Variants in SMARCA4 observed in about 807,000 individuals in gnomAD.
SMARCA4 encodes SWI/SNF related BAF chromatin remodeling complex subunit ATPase 4, also known as SWI/SNF-related matrix-associated actin-dependent regulator of chromatin subfamily A member 4.
Under a neutral mutation model 193.9 loss-of-function variants are expected in SMARCA4, and 31 were observed. That is an observed-to-expected ratio of 0.16 (90% CI 0.12 to 0.22). The LOEUF is 0.22. Ranked by LOEUF, SMARCA4 falls within the 10% of genes least tolerant of loss-of-function variation. The pLI, the probability that SMARCA4 is intolerant of heterozygous loss-of-function variation, is 1.00. For missense variants in SMARCA4, 1,148 were observed against 2,296.0 expected, an observed-to-expected ratio of 0.50 and a Z score of 10.22; for synonymous variants, 942 against 933.1, an observed-to-expected ratio of 1.01 and a Z score of -0.17.
chr19:11,058,717 GCACACAGC>G lies in SMARCA4; in HGVS notation c.4534-68_4534-61del. On this transcript the variant is annotated intron_variant, in intron 31 of 34. Transcript: ENST00000344626. This position sits in a 1 kb window ranked among gnomAD's most constrained non-coding sequence, Gnocchi z 5.8. ...GGAATCCTAGCCCGTGGGGTCTCCA[GCACACAGC>G]CAGGCCTGCGGGCAGGCGAGGCGGG... The G allele has an allele frequency of 7.5e-7, 1 of 1,336,720 alleles. No homozygotes were observed. Among genetic ancestry groups the G allele is most frequent in the Middle Eastern group, 1.8e-4 (1 of 5,566 alleles). 82.8% of individuals were successfully genotyped at this position (1,336,720 alleles called of 1,614,324 possible).
chr19:10,983,671 TG>T (rs1162310309), intron 1 of SMARCA4: 1 of 176,888 alleles, frequency 5.7e-6, no homozygotes, highest in Admixed American at 5.5e-5. Context: ...TGACCTCAAA[TG>T]ATCTGCCCGC....
chr19:11,001,458 A>G (rs564084103), intron 11 of SMARCA4, among the ~76,000 whole-genome samples: 1 of 152,326 alleles, frequency 6.6e-6, no homozygotes, highest in Admixed American at 6.5e-5. Flanking sequence ...CCAAAAAATA[A>G]AAAGTAAATT....
rs1555797433 is a variant in SMARCA4 at position 11,061,780 on chromosome 19, C to A, written c.4912-4C>A. ...CACACTCTCTCCTCCTGTCCCCTCT[C>A]CAGGACCGCTCAGGAAGTGGCAGCG... On this transcript the variant is annotated splice_polypyrimidine_tract_variant and splice_region_variant and intron_variant, in intron 34 of 34. Transcript: ENST00000344626. 1.9e-6 allele frequency: 3 copies of A among 1,613,574 alleles called. No individual in the cohort carries two copies. The highest frequency in any genetic ancestry group is 2.5e-6 in the Non-Finnish European group (3 of 1,179,970).
chr19:10,967,462 C>T (rs1401382678), intron 1 of SMARCA4, among the ~76,000 whole-genome samples: 1 of 151,756 alleles, frequency 6.6e-6, no homozygotes, highest in East Asian at 1.9e-4. Context: ...AGGCGCCCGC[C>T]ACCACGCCCG....
chr19:11,041,891 C>T lies in SMARCA4; in HGVS notation c.4424+331C>T, dbSNP rs546948700. ...GTGCACCAGCAGAGGCCACAGCAGG[C>T]GGAGAGGCTCTGCCAAAGTTGTGGC... On this transcript the variant is annotated intron_variant, in intron 30 of 34. Transcript: ENST00000344626. The surrounding 1 kb of genome is among the most constrained non-coding windows in gnomAD (Gnocchi z 5.6). 1.2e-4 allele frequency among the ~76,000 whole-genome samples: 19 copies of T among 152,244 alleles called. No individual in the cohort carries two copies. The highest frequency in any genetic ancestry group is 8.3e-4 in the South Asian group (4 of 4,824).
At chr19:11,006,968 T>G (rs1178405778) in intron 13 of SMARCA4, among the ~76,000 whole-genome samples, 1 of 151,886 alleles carries the variant, frequency 6.6e-6, no homozygotes, top group African/African-American at 2.4e-5. Flanking sequence ...ACGCCTGTGG[T>G]CCCAGCTACT....
intron 1 of SMARCA4, among the ~76,000 whole-genome samples, chr19:10,981,909 G>GC (rs2085580152): frequency 6.6e-6 from 1 of 151,662 alleles, no homozygotes; most frequent in Admixed American, 6.6e-5. Context: ...GACGGCTTGA[G>GC]CCCCCGAGGT....
Position 11,013,183 on chromosome 19 carries a change from G to A in SMARCA4, c.2438+71G>A, listed in dbSNP as rs1158275225. On this transcript the variant is annotated intron_variant, in intron 16 of 34. Coordinates refer to ENST00000344626, the MANE Select transcript of SMARCA4 (RefSeq NM_003072.5). Reference sequence around the variant, plus strand: ...CCTGTGTTTGTTTCCTAAGTTTGCCGCAGTAGAATACCACAAACGAGGTGG... The same window carrying A: ...CCTGTGTTTGTTTCCTAAGTTTGCCACAGTAGAATACCACAAACGAGGTGG... The A allele has an allele frequency of 6.5e-6, 10 of 1,533,520 alleles. No individual in the cohort carries two copies. The Admixed American group carries it at 1.1e-4, about 16-fold the overall frequency. 95.0% of individuals were successfully genotyped at this position (1,533,520 alleles called of 1,614,324 possible). A position where few individuals can be genotyped will look rare whatever the true frequency, so the allele number is the denominator to read the frequency against.
At position 11,018,585 on chromosome 19, in the gene SMARCA4, T is replaced by G. The variant is rs2089585676; in HGVS notation, c.2439-372T>G. Reference sequence around the variant, plus strand: ...TATCCTCAGGTCTCCACAGCACTGTTGCTAGCCTGGCTCTGGGCGTGAAGC... The same window carrying G: ...TATCCTCAGGTCTCCACAGCACTGTGGCTAGCCTGGCTCTGGGCGTGAAGC... On this transcript the variant is annotated intron_variant, in intron 16 of 34. Transcript: ENST00000344626. Among the ~76,000 whole-genome samples, 2 of 152,254 alleles carry G rather than the reference T, an allele frequency of 1.3e-5. 1 individual carries two copies. Among genetic ancestry groups the G allele is most frequent in the South Asian group, 4.1e-4 (2 of 4,836 alleles).
rs78238000 is a variant in SMARCA4 at position 11,012,543 on chromosome 19, G to A, written c.2275-406G>A. The A allele has an allele frequency of 4.2e-3, 1,230 of 292,282 alleles. 11 individuals carry two copies. Among genetic ancestry groups the A allele is most frequent in the Non-Finnish European group, 5.3e-3 (792 of 148,392 alleles). 18.1% of individuals were successfully genotyped at this position (292,282 alleles called of 1,614,324 possible). On this transcript the variant is annotated intron_variant, in intron 15 of 34. Transcript: ENST00000344626. ...ATCCCTCTCTTAATCTTGAAATGAT[G>A]TTCAGGCAGTGAATTCCTCACGAAG...
rs1407353267 is a variant in SMARCA4 at position 10,998,924 on chromosome 19, G to A, written c.1812+2380G>A. 6.0e-5 allele frequency among the ~76,000 whole-genome samples: 9 copies of A among 149,740 alleles called. No homozygotes were observed. In the East Asian group the frequency reaches 9.8e-4, roughly 16 times the overall value. On this transcript the variant is annotated intron_variant, in intron 11 of 34. Transcript: ENST00000344626. Reference sequence around the variant, plus strand: ...TTTTTTTTTTTTTGTCTGTCAAGACGGGGTCTCCCTGTGTCACCCAGGCCG... The same window carrying A: ...TTTTTTTTTTTTTGTCTGTCAAGACAGGGTCTCCCTGTGTCACCCAGGCCG...
Position 11,019,563 on chromosome 19 carries a change from C to T in SMARCA4, c.2506-28C>T, listed in dbSNP as rs758003438. 24 of 1,529,612 alleles carry T rather than the reference C, an allele frequency of 1.6e-5. No individual in the cohort carries two copies. The highest frequency in any genetic ancestry group is 4.6e-5 in the South Asian group (4 of 86,946). The allele number at this position is 1,529,612 out of a possible 1,614,324, so 94.8% of individuals were successfully genotyped here. A position where few individuals can be genotyped will look rare whatever the true frequency, so the allele number is the denominator to read the frequency against. ...CACCTGGCCACCCGGCTCCAAAAGC[C>T]GAGCTGTGCATCCTGCTTCCCTTGC... On this transcript the variant is annotated intron_variant, in intron 17 of 34. Coordinates refer to ENST00000344626, the MANE Select transcript of SMARCA4 (RefSeq NM_003072.5). This position sits in a 1 kb window ranked among gnomAD's most constrained non-coding sequence, Gnocchi z 6.1.
At chr19:11,000,284 C>A (rs1176400139) in intron 11 of SMARCA4, among the ~76,000 whole-genome samples, 1 of 151,776 alleles carries the variant, frequency 6.6e-6, no homozygotes. Context: ...TGCCTATAAC[C>A]CCAGCAGTTT....
chr19:11,010,680 C>CCATGTGTAAA, intron 15 of SMARCA4, 149 bp downstream of exon 15: 4 of 796,446 alleles, frequency 5.0e-6, no homozygotes, highest in Non-Finnish European at 8.6e-6. Flanking sequence ...CTCGGTTTCC[C>CCATGTGTAAA]CATGTGTAAA....
intron 14 of SMARCA4, among the ~76,000 whole-genome samples, chr19:11,008,507 T>C (rs2088466629): frequency 6.6e-6 from 1 of 152,254 alleles, no homozygotes. Flanking sequence ...GCTTCCAGTC[T>C]GGTCCTCAGC....
chr19:10,996,931 G>C (rs896103186), intron 11 of SMARCA4, among the ~76,000 whole-genome samples: 1 of 152,056 alleles, frequency 6.6e-6, no homozygotes, highest in African/African-American at 2.4e-5. Flanking sequence ...TGCAGTGGCG[G>C]ATGGCTCACT....
At chr19:11,020,158 G>A (rs990896798) in intron 18 of SMARCA4, among the ~76,000 whole-genome samples, 2 of 152,212 alleles carry the variant, frequency 1.3e-5, no homozygotes, top group African/African-American at 4.8e-5. Flanking sequence ...TACCATGACT[G>A]CCTGCTGGCC....
chr19:11,007,829 G>A, intron 13 of SMARCA4, 73 bp from the exon 14 acceptor site: 1 of 1,555,154 alleles, frequency 6.4e-7, no homozygotes, highest in Middle Eastern at 1.7e-4. Flanking sequence ...TTCTGAGACT[G>A]TTCTCCCCAT....
intron 23 of SMARCA4, among the ~76,000 whole-genome samples, chr19:11,027,457 T>C (rs1199562769): frequency 6.6e-6 from 1 of 152,202 alleles, no homozygotes; most frequent in African/African-American, 2.4e-5. Context: ...AAGGTCTGGC[T>C]TCCCGGAGCA....
Sources: allele counts gnomAD v4.1 joint callset (sites outside exome capture counted in the v4.1 genomes callset), GRCh38; gene constraint gnomAD v4.1.1; non-coding constraint Gnocchi (gnomAD v3.1); transcripts MANE v1.5; gene names NCBI Gene and HGNC (gene_info 2026-07-23, HGNC 2026-07-21).